Variants in POU6F2 observed in about 807,000 individuals in gnomAD.
POU6F2 encodes the protein POU class 6 homeobox 2, also known as POU domain, class 6, transcription factor 2.
In POU6F2, 31 loss-of-function variants were observed where a neutral mutation model predicts 71.3. That is an observed-to-expected ratio of 0.43 (90% CI 0.33 to 0.59). The LOEUF is 0.59. POU6F2 is among the 20% of genes least tolerant of loss of function. The pLI, the probability that POU6F2 is intolerant of heterozygous loss-of-function variation, is 0.04. For synonymous variants in POU6F2, 347 were observed against 355.7 expected (o/e 0.98, Z 0.27); for missense variants, 783 against 856.8 (o/e 0.91, Z 1.07).
chr7:39,200,864 A>G (rs1449244926), intron 2 of POU6F2, among the ~76,000 whole-genome samples: 1 of 151,808 alleles, frequency 6.6e-6, no homozygotes, highest in East Asian at 1.9e-4. Context: ...AAAAAAAGAA[A>G]AAAAAAGAAA....
intron 4 of POU6F2, among the ~76,000 whole-genome samples, chr7:39,236,923 G>A (rs1009881583): frequency 6.6e-6 from 1 of 152,154 alleles, no homozygotes; most frequent in African/African-American, 2.4e-5. Flanking sequence ...TGAATAGGAA[G>A]ATCTTGGCTT....
At chr7:39,428,778 C>T (rs28558150) in intron 6 of POU6F2, among the ~76,000 whole-genome samples, 2,683 of 152,116 alleles carry the variant, frequency 0.018, 38 homozygotes, top group Non-Finnish European at 0.028. Context: ...CCCTACACTC[C>T]CGTCAAAACT....
intron 5 of POU6F2, among the ~76,000 whole-genome samples, chr7:39,366,139 T>C (rs1014340007): frequency 2.0e-5 from 3 of 152,086 alleles, no homozygotes; most frequent in Admixed American, 6.6e-5. Context: ...TGTTTCACCA[T>C]TGGAGTTTGA....
At chr7:39,120,440 C>A (rs1245501603) in intron 2 of POU6F2, among the ~76,000 whole-genome samples, 1 of 152,110 alleles carries the variant, frequency 6.6e-6, no homozygotes, top group African/African-American at 2.4e-5. Flanking sequence ...TAAAAGTAAC[C>A]CAATACTACA....
chr7:39,445,130 C>T (rs182599564), intron 7 of POU6F2, among the ~76,000 whole-genome samples: 27 of 152,240 alleles, frequency 1.8e-4, no homozygotes, highest in African/African-American at 6.3e-4. Flanking sequence ...TATCAACATC[C>T]ATCATTATTT....
At chr7:39,010,114 C>G (rs1229071) in intron 1 of POU6F2, among the ~76,000 whole-genome samples, 60,342 of 81,454 alleles carry the variant, frequency 0.74, 25,348 homozygotes, top group East Asian at 0.92. Flanking sequence ...GTTCCTCCTT[C>G]TACCTCTGGT....
At chr7:39,111,016 A>G (rs1791799446) in intron 2 of POU6F2, among the ~76,000 whole-genome samples, 1 of 152,118 alleles carries the variant, frequency 6.6e-6, no homozygotes. Flanking sequence ...TAAATTGTAT[A>G]TTTTGTTATT....
intron 1 of POU6F2, among the ~76,000 whole-genome samples, chr7:39,039,821 A>G (rs1443171594): frequency 6.6e-6 from 1 of 150,888 alleles, no homozygotes; most frequent in East Asian, 2.0e-4. Context: ...TGGAGAGTGC[A>G]TTTGGAAATC....
chr7:39,161,350 T>TC (rs1208018330), intron 2 of POU6F2, among the ~76,000 whole-genome samples: 1 of 152,238 alleles, frequency 6.6e-6, no homozygotes, highest in Non-Finnish European at 1.5e-5. Flanking sequence ...TTGAGTCACT[T>TC]CCGTCTGCCT....
intron 1 of POU6F2, among the ~76,000 whole-genome samples, chr7:39,051,092 C>T (rs908564095): frequency 3.9e-4 from 60 of 152,104 alleles, no homozygotes; most frequent in Non-Finnish European, 7.5e-4. Flanking sequence ...CTTCAGGACA[C>T]CTCATATAGC....
intron 4 of POU6F2, among the ~76,000 whole-genome samples, chr7:39,209,153 C>T (rs1453435208): frequency 3.9e-5 from 6 of 152,054 alleles, no homozygotes; most frequent in East Asian, 1.9e-4. Flanking sequence ...ATTGGTCCAA[C>T]GTGGACTTCT....
intron 2 of POU6F2, among the ~76,000 whole-genome samples, chr7:39,174,785 A>G (rs1458763223): frequency 6.6e-6 from 1 of 151,998 alleles, no homozygotes; most frequent in Non-Finnish European, 1.5e-5. Context: ...CATCCTCTCC[A>G]GTTGCCTGAT....
At chr7:39,084,549 A>T (rs1247685329) in intron 1 of POU6F2, among the ~76,000 whole-genome samples, 1 of 152,190 alleles carries the variant, frequency 6.6e-6, no homozygotes, top group East Asian at 1.9e-4. Flanking sequence ...TCCAATATTT[A>T]AGTGCTGTGT....
intron 2 of POU6F2, among the ~76,000 whole-genome samples, chr7:39,148,934 G>A (rs957125043): frequency 1.3e-5 from 2 of 152,288 alleles, no homozygotes; most frequent in African/African-American, 2.4e-5. Context: ...GTGGAAGGAC[G>A]GGGAGTTTCC....
intron 4 of POU6F2, among the ~76,000 whole-genome samples, chr7:39,209,165 C>T (rs1180115975): frequency 6.6e-6 from 1 of 152,108 alleles, no homozygotes; most frequent in African/African-American, 2.4e-5. Context: ...TGGACTTCTT[C>T]CACCAAGATT....
chr7:39,303,305 G>T (rs963803130), intron 4 of POU6F2, among the ~76,000 whole-genome samples: 17 of 151,986 alleles, frequency 1.1e-4, no homozygotes, highest in Non-Finnish European at 2.4e-4. Context: ...CCTCCGCCGC[G>T]CCTGGCTAAT....
intron 1 of POU6F2, among the ~76,000 whole-genome samples, chr7:38,978,460 T>G (rs2116576354): frequency 6.6e-6 from 1 of 152,334 alleles, no homozygotes; most frequent in East Asian, 1.9e-4. Context: ...ATATTTTTAT[T>G]TTGACTGTGC....
At position 38,978,057 on chromosome 7, in the gene POU6F2, A is replaced by G. The variant is rs1446766698; in HGVS notation, c.104A>G (p.Gln35Arg). Residue 35 changes from glutamine (Q) to arginine (R), a missense_variant and splice_region_variant, in exon 1 of 10, where the codon CAG (glutamine) becomes CGG (arginine). Coordinates refer to ENST00000518318, the MANE Select transcript of POU6F2 (RefSeq NM_001370959.1). The stretch of plus-strand genomic sequence containing the variant: ...GGGACCATGCAAGCTGTAATTGGTC[A>G]GGTATGGAGTCAGCCATTTCTCAAC... ...DTGTMQAVIG[Q>R]DPMIAGQVSK... 2 of 152,214 alleles carry G rather than the reference A, an allele frequency of 1.3e-5. No individual in the cohort carries two copies. Among genetic ancestry groups the G allele is most frequent in the Admixed American group, 6.5e-5 (1 of 15,288 alleles). 9.4% of individuals were successfully genotyped at this position (152,214 alleles called of 1,614,324 possible).
At chr7:39,065,489 A>G (rs911319452) in intron 1 of POU6F2, among the ~76,000 whole-genome samples, 3 of 151,630 alleles carry the variant, frequency 2.0e-5, no homozygotes, top group Admixed American at 1.3e-4. Flanking sequence ...ATGAAAATAA[A>G]AGAAGAAATC....
Sources: allele counts gnomAD v4.1 joint callset (sites outside exome capture counted in the v4.1 genomes callset), GRCh38; gene constraint gnomAD v4.1.1; transcripts MANE v1.5; gene names NCBI Gene and HGNC (gene_info 2026-07-23, HGNC 2026-07-21).